CNBD1: variants seen among roughly 807,000 people sequenced by gnomAD.
CNBD1 encodes the protein cyclic nucleotide binding domain containing 1, also known as cyclic nucleotide-binding domain-containing protein 1.
A neutral mutation model predicts 54.4 loss-of-function variants in CNBD1; 71 were observed. The observed-to-expected ratio is 1.30, with a 90% CI of 1.08 to 1.59. CNBD1 has a LOEUF of 1.59. Ranked by LOEUF, CNBD1 falls within the 40% of genes most tolerant of loss-of-function variation. The probability of loss-of-function intolerance (pLI) is 0.00; values close to 1 mark genes in which losing one functional copy is unlikely to be tolerated. For synonymous variants in CNBD1, 182 were observed against 170.7 expected, an observed-to-expected ratio of 1.07 and a Z score of -0.51; for missense variants, 659 against 518.0, an observed-to-expected ratio of 1.27 and a Z score of -2.64.
intron 4 of CNBD1, among the ~76,000 whole-genome samples, chr8:86,949,113 C>T (rs994266420): frequency 3.3e-5 from 5 of 152,048 alleles, no homozygotes; most frequent in Non-Finnish European, 7.4e-5. Context: ...GTCTGTGTTT[C>T]TGTTTTTATG....
intron 5 of CNBD1, among the ~76,000 whole-genome samples, chr8:87,232,397 G>A (rs114046694): frequency 1.3e-5 from 2 of 152,156 alleles, no homozygotes; most frequent in African/African-American, 4.8e-5. Flanking sequence ...GTAACAATGT[G>A]TGAGAATTCT....
rs1405951385 is a variant in CNBD1 at position 87,051,000 on chromosome 8, T to G, written c.431+111246T>G. On this transcript the variant is annotated intron_variant, in intron 4 of 10. Coordinates refer to ENST00000518476, the MANE Select transcript of CNBD1 (RefSeq NM_173538.3). ...AATCTTTCCCTGAATTACCCATACC[T>G]GTAAGTTAATATTGGTTTCCACTAA... Among the ~76,000 whole-genome samples the G allele has an allele frequency of 2.0e-5, 3 of 152,178 alleles. No homozygotes were observed. In the South Asian group the frequency reaches 6.2e-4, roughly 32 times the overall value.
At chr8:87,359,879 C>G (rs910399751) in intron 10 of CNBD1, among the ~76,000 whole-genome samples, 1 of 151,952 alleles carries the variant, frequency 6.6e-6, no homozygotes, top group East Asian at 1.9e-4. Context: ...TAAAAATAAA[C>G]AAAAATAAAT....
chr8:87,240,175 T>G (rs564145747), intron 6 of CNBD1, among the ~76,000 whole-genome samples: 5 of 152,136 alleles, frequency 3.3e-5, no homozygotes, highest in African/African-American at 1.2e-4. Flanking sequence ...TATCTGCAGT[T>G]AAACATATTT....
intron 3 of CNBD1, 59 bp from the exon 4 acceptor site, chr8:86,939,537 C>T: frequency 8.4e-7 from 1 of 1,196,628 alleles, no homozygotes; most frequent in Non-Finnish European, 1.1e-6. Context: ...AGTAAAAGTC[C>T]CTGTAAATAA....
intron 1 of CNBD1, among the ~76,000 whole-genome samples, chr8:86,880,323 G>A (rs1306757046): frequency 3.8e-5 from 5 of 131,814 alleles, no homozygotes; most frequent in Non-Finnish European, 1.6e-5. Context: ...ACTTGGGATC[G>A]AACATATTAG....
At chr8:87,196,809 C>T (rs1010821944) in intron 4 of CNBD1, among the ~76,000 whole-genome samples, 1 of 152,170 alleles carries the variant, frequency 6.6e-6, no homozygotes, top group African/African-American at 2.4e-5. Context: ...TTTTGTTTCC[C>T]ACTGAAATGC....
At chr8:86,935,123 C>T (rs1054640557) in intron 3 of CNBD1, among the ~76,000 whole-genome samples, 2 of 152,128 alleles carry the variant, frequency 1.3e-5, no homozygotes, top group Admixed American at 6.6e-5. Flanking sequence ...GCAAGCTCCA[C>T]CTCCTGGGTT....
chr8:87,265,014 C>T (rs937763999), intron 6 of CNBD1, among the ~76,000 whole-genome samples: 2 of 152,004 alleles, frequency 1.3e-5, no homozygotes, highest in African/African-American at 4.8e-5. Context: ...ATTAGATCCC[C>T]TTTGTCAATT....
At position 87,166,057 on chromosome 8, in the gene CNBD1, A is replaced by G. The variant is rs1040207691; in HGVS notation, c.432-39936A>G. Among the ~76,000 whole-genome samples, 2 of 151,912 alleles carry G rather than the reference A, an allele frequency of 1.3e-5. No individual in the cohort carries two copies. Among genetic ancestry groups the G allele is most frequent in the Admixed American group, 1.3e-4 (2 of 15,204 alleles). On this transcript the variant is annotated intron_variant, in intron 4 of 10. Coordinates refer to ENST00000518476, the MANE Select transcript of CNBD1 (RefSeq NM_173538.3). The surrounding 1 kb of genome is among the most constrained non-coding windows in gnomAD (Gnocchi z 4.3). ...TGAATTGTCATTTTGAAGGCCTTAT[A>G]AGGGCATCTTCTACCATATCTGAAA...
intron 3 of CNBD1, among the ~76,000 whole-genome samples, chr8:86,906,941 A>G (rs16894935): frequency 0.021 from 3,203 of 152,352 alleles, 109 homozygotes; most frequent in African/African-American, 0.073. Context: ...ACGATACACT[A>G]TACTAATTAA....
intron 3 of CNBD1, among the ~76,000 whole-genome samples, chr8:86,913,459 G>A (rs1203348033): frequency 1.3e-5 from 2 of 152,052 alleles, no homozygotes; most frequent in Non-Finnish European, 2.9e-5. Flanking sequence ...TTCCCTAAGT[G>A]TTGGCTGGTC....
intron 2 of CNBD1, among the ~76,000 whole-genome samples, chr8:87,395,692 C>T (rs1034376793): frequency 4.6e-5 from 7 of 151,814 alleles, no homozygotes; most frequent in Non-Finnish European, 8.8e-5. Context: ...TTTAGAAGTT[C>T]ATAGAGGTTA....
chr8:87,189,143 G>A (rs1813545770), intron 4 of CNBD1, among the ~76,000 whole-genome samples: 1 of 152,108 alleles, frequency 6.6e-6, no homozygotes, highest in African/African-American at 2.4e-5. Context: ...TGTGTTTATG[G>A]CTGCTGAGTG....
intron 7 of CNBD1, 73 bp downstream of exon 7, chr8:87,284,888 C>A: frequency 6.7e-6 from 7 of 1,043,536 alleles, no homozygotes; most frequent in Non-Finnish European, 9.5e-6. Flanking sequence ...ATTCTCTAGA[C>A]AAAGACAGCT....
At chr8:87,283,451 C>T (rs1397456243) in intron 6 of CNBD1, among the ~76,000 whole-genome samples, 1 of 151,926 alleles carries the variant, frequency 6.6e-6, no homozygotes, top group East Asian at 1.9e-4. Flanking sequence ...GTTCCTTTCT[C>T]TCTGAATTTA....
intron 6 of CNBD1, among the ~76,000 whole-genome samples, chr8:87,264,466 C>T (rs935870337): frequency 5.9e-5 from 9 of 152,206 alleles, no homozygotes; most frequent in South Asian, 2.1e-4. Context: ...CATACATGTG[C>T]GTGTGTCTTT....
chr8:87,020,738 T>C (rs1809471207), intron 4 of CNBD1, among the ~76,000 whole-genome samples: 1 of 152,232 alleles, frequency 6.6e-6, no homozygotes, highest in African/African-American at 2.4e-5. Flanking sequence ...GCAAAGTCAC[T>C]TGTGGAAAGA....
chr8:87,204,165 T>A (rs967521027), intron 4 of CNBD1, among the ~76,000 whole-genome samples: 16 of 152,198 alleles, frequency 1.1e-4, no homozygotes, highest in African/African-American at 3.9e-4. Context: ...AGCATAATAT[T>A]AGGTATTTCA....
Sources: allele counts gnomAD v4.1 joint callset (sites outside exome capture counted in the v4.1 genomes callset), GRCh38; gene constraint gnomAD v4.1.1; non-coding constraint Gnocchi (gnomAD v3.1); transcripts MANE v1.5; gene names NCBI Gene and HGNC (gene_info 2026-07-23, HGNC 2026-07-21).